Variants in PON1 observed in about 807,000 individuals in gnomAD.
PON1 encodes the protein serum paraoxonase/arylesterase 1.
A neutral mutation model predicts 39.2 loss-of-function variants in PON1; 37 were observed. The observed-to-expected ratio is 0.94, with a 90% confidence interval of 0.73 to 1.24. PON1 has a LOEUF of 1.24. PON1 is among the 50% of genes most tolerant of loss of function. The pLI is 0.00. For synonymous variants in PON1, 148 were observed against 152.2 expected, an observed-to-expected ratio of 0.97 and a Z score of 0.21; for missense variants, 397 against 413.5, an observed-to-expected ratio of 0.96 and a Z score of 0.35.
At chr7:95,318,451 G>A (rs567899434) in intron 1 of PON1, 58 bp from the exon 2 acceptor site, 37 of 1,450,826 alleles carry the variant, frequency 2.6e-5, no homozygotes, top group Non-Finnish European at 3.4e-5. Context: ...ATAATAAGTT[G>A]CAAAGGTAGG....
intron 8 of PON1, 97 bp from the exon 9 acceptor site, chr7:95,299,199 T>G: frequency 7.9e-7 from 1 of 1,260,154 alleles, no homozygotes; most frequent in Non-Finnish European, 1.2e-6. Context: ...CCATATAATC[T>G]TATACAATGA....
intron 3 of PON1, 131 bp downstream of exon 3, chr7:95,316,603 T>G (rs1807774579): frequency 7.3e-6 from 6 of 818,304 alleles, no homozygotes; most frequent in Non-Finnish European, 1.3e-5. Context: ...ATACACAATT[T>G]GTCTTTTAAA....
Position 95,302,256 on chromosome 7 carries a change from G to C in PON1, c.858C>G (p.Pro286=), listed in dbSNP as rs1807451342. Reference sequence around the variant, plus strand: ...CATAGAAGAAGATTTTCATGCCATTGGGATGGCATCCAACCCAAAGGTCTC... The same window carrying C: ...CATAGAAGAAGATTTTCATGCCATTCGGATGGCATCCAACCCAAAGGTCTC... ...ETGDLWVGCH[P]NGMKIFFYDS... The change falls in exon 8 of 9, where the codon CCC becomes CCG. Residue 286 remains proline (P), a synonymous_variant. Transcript: ENST00000222381. 3 of 1,610,048 alleles carry C rather than the reference G, an allele frequency of 1.9e-6. No individual in the cohort carries two copies. In the South Asian group the frequency reaches 3.3e-5, roughly 18 times the overall value.
intron 4 of PON1, 68 bp downstream of exon 4, chr7:95,315,254 T>G: frequency 1.5e-6 from 2 of 1,338,234 alleles, no homozygotes; most frequent in Non-Finnish European, 2.1e-6. Context: ...ATAATTCATT[T>G]ATTGGCATGT....
intron 8 of PON1, among the ~76,000 whole-genome samples, chr7:95,300,005 A>T (rs926881139): frequency 2.0e-5 from 3 of 151,756 alleles, no homozygotes; most frequent in Non-Finnish European, 4.4e-5. Flanking sequence ...TGGCCCTCAA[A>T]AAACCATATC....
rs1272415052 is a variant in PON1 at position 95,323,492 on chromosome 7, C to T, written c.74+910G>A. ...TGTAAGCTTCTAATTAGTCCATAAGCTCATATAATTTTTTTATATTTAATT... is the reference window on the plus strand; with the variant it reads ...TGTAAGCTTCTAATTAGTCCATAAGTTCATATAATTTTTTTATATTTAATT... On this transcript the variant is annotated intron_variant, in intron 1 of 8. Transcript: ENST00000222381. Among the ~76,000 whole-genome samples, 4 of 151,988 alleles carry T rather than the reference C, an allele frequency of 2.6e-5. No individual in the cohort carries two copies. The South Asian group carries it at 8.3e-4, about 32-fold the overall frequency.
At chr7:95,302,042 A>G (rs1369102805) in intron 8 of PON1, among the ~76,000 whole-genome samples, 163 bp downstream of exon 8, 1 of 140,794 alleles carries the variant, frequency 7.1e-6, no homozygotes, top group Non-Finnish European at 1.5e-5. Flanking sequence ...GCTTGCAGTG[A>G]GCCAAGATTG....
chr7:95,302,641 AAG>A (rs1554606004), intron 7 of PON1, among the ~76,000 whole-genome samples: 5 of 152,170 alleles, frequency 3.3e-5, no homozygotes, highest in East Asian at 1.9e-4. Context: ...TGAAAAAAAA[AAG>A]AAGTTTTCGG....
At chr7:95,312,185 T>TTTTTGTTTTG (rs3917520) in intron 4 of PON1, among the ~76,000 whole-genome samples, 1 of 151,968 alleles carries the variant, frequency 6.6e-6, no homozygotes, top group Non-Finnish European at 1.5e-5. Context: ...CAAATTGGCG[T>TTTTTGTTTTG]TTTTGTTTTG....
At position 95,302,269 on chromosome 7, in the gene PON1, A is replaced by G; in HGVS notation, c.845T>C (p.Val282Ala). 1 of 1,607,908 alleles carries G rather than the reference A, an allele frequency of 6.2e-7. No homozygotes were observed. The highest frequency in any genetic ancestry group is 8.5e-7 in the Non-Finnish European group (1 of 1,174,570). Reference protein sequence around the residue: ...SVDPETGDLWVGCHPNGMKIF... With the variant: ...SVDPETGDLWAGCHPNGMKIF... The stretch of plus-strand genomic sequence containing the variant: ...TTTCATGCCATTGGGATGGCATCCA[A>G]CCCAAAGGTCTCCTGTCTCAGGATC... Residue 282 changes from valine to alanine, a missense_variant, in exon 8 of 9, where the codon GTT (valine) becomes GCT (alanine). By Grantham distance (64) the Val-to-Ala change is moderately conservative. Transcript: ENST00000222381.
rs1807574665 is a variant in PON1, at chr7:95,307,956, A to C, written c.698+55T>G. On this transcript the variant is annotated intron_variant, in intron 6 of 8. Coordinates refer to ENST00000222381, the MANE Select transcript of PON1 (RefSeq NM_000446.7). ...ATTACTTAAAAAAAGAATATATTCC[A>C]AGATATCTCCTGAGAATCTGAGTAA... 5.4e-6 allele frequency: 8 copies of C among 1,480,832 alleles called. No individual in the cohort carries two copies. The South Asian group carries it at 9.1e-5, about 17-fold the overall frequency. 91.7% of individuals were successfully genotyped at this position (1,480,832 alleles called of 1,614,324 possible). A position where few individuals can be genotyped will look rare whatever the true frequency, so the allele number is the denominator to read the frequency against.
intron 8 of PON1, 144 bp downstream of exon 8, chr7:95,302,061 C>T (rs1176715266): frequency 4.9e-6 from 4 of 810,746 alleles, no homozygotes; most frequent in African/African-American, 3.9e-5. Context: ...TGCGCCACTG[C>T]ACTCCAGCCT....
chr7:95,308,288 A>C, intron 5 of PON1, 77 bp from the exon 6 acceptor site: 1 of 1,352,884 alleles, frequency 7.4e-7, no homozygotes, highest in Non-Finnish European at 1.0e-6. Flanking sequence ...GGCATTCCTC[A>C]CTGTCTATTC....
intron 7 of PON1, among the ~76,000 whole-genome samples, chr7:95,305,000 G>A (rs1807510394): frequency 6.6e-6 from 1 of 152,124 alleles, no homozygotes; most frequent in South Asian, 2.1e-4. Context: ...TGTTAAAACC[G>A]CAGCTTGTTT....
chr7:95,303,824 A>G (rs1355071548), intron 7 of PON1, among the ~76,000 whole-genome samples: 1 of 152,156 alleles, frequency 6.6e-6, no homozygotes, highest in East Asian at 1.9e-4. Context: ...GGTCAAGAAA[A>G]CATAATAAAT....
rs1293361275 is a variant in PON1, at chr7:95,298,460, G to T, written c.*484C>A. 2.5e-5 allele frequency: 6 copies of T among 236,244 alleles called. No individual in the cohort carries two copies. The South Asian group carries it at 3.9e-4, about 15-fold the overall frequency. 14.6% of individuals were successfully genotyped at this position (236,244 alleles called of 1,614,324 possible). On this transcript the variant is annotated 3_prime_UTR_variant, in exon 9 of 9. Coordinates refer to ENST00000222381, the MANE Select transcript of PON1 (RefSeq NM_000446.7). ...CATAGTCAGACTTACTATGTGCATGGAGTAGAGGGGAACTTCATAATGCAT... is the reference window on the plus strand; with the variant it reads ...CATAGTCAGACTTACTATGTGCATGTAGTAGAGGGGAACTTCATAATGCAT...
chr7:95,302,115 A>C (rs1012085872), intron 8 of PON1, 90 bp downstream of exon 8: 11 of 761,396 alleles, frequency 1.4e-5, no homozygotes, highest in South Asian at 3.9e-5. Context: ...AAAAAAAAAA[A>C]AAAAAACCAA....
chr7:95,324,176 C>G lies in PON1; in HGVS notation c.74+226G>C, dbSNP rs3917467. Among the ~76,000 whole-genome samples, 1,508 of 152,298 alleles carry G rather than the reference C, an allele frequency of 9.9e-3. 25 individuals carry two copies. Among genetic ancestry groups the G allele is most frequent in the African/African-American group, 0.034 (1,420 of 41,554 alleles). On this transcript the variant is annotated intron_variant, in intron 1 of 8. Transcript: ENST00000222381. ...TGCTGACAACCTGGGCACTCACACC[C>G]CTGGCAATTGCCTCCTTATCCCATG... is the stretch of plus-strand genomic sequence containing the variant.
chr7:95,314,698 CT>C (rs1452582973), intron 4 of PON1, among the ~76,000 whole-genome samples: 1 of 152,140 alleles, frequency 6.6e-6, no homozygotes, highest in Non-Finnish European at 1.5e-5. Context: ...GGCATCGAGT[CT>C]TTTTAAACTC....
Sources: allele counts gnomAD v4.1 joint callset (sites outside exome capture counted in the v4.1 genomes callset), GRCh38; gene constraint gnomAD v4.1.1; transcripts MANE v1.5; gene names NCBI Gene and HGNC (gene_info 2026-07-23, HGNC 2026-07-21).